The following EHBP1L1 variants were observed in gnomAD, a reference collection of about 807,000 sequenced individuals.
The protein encoded by EHBP1L1 is EH domain-binding protein 1-like protein 1.
Under a neutral mutation model 151.1 loss-of-function variants are expected in EHBP1L1, and 122 were observed. The ratio of observed to expected loss-of-function variants is 0.81; its 90% CI spans 0.70 to 0.94. EHBP1L1 has a LOEUF of 0.94. Among genes scored for constraint, EHBP1L1 ranks in the 40% least tolerant of loss-of-function variants. The pLI, the probability that EHBP1L1 is intolerant of heterozygous loss-of-function variation, is 0.00. For missense variants in EHBP1L1, 1,941 were observed against 1,959.8 expected (o/e 0.99, Z 0.18); for synonymous variants, 878 against 810.1 (o/e 1.08, Z -1.42).
In EHBP1L1 at chr11:65,580,191, A is replaced by G. The variant is rs569946420; in HGVS notation, c.423A>G (p.Ser141=). The G allele has an allele frequency of 6.2e-7, 1 of 1,613,642 alleles. No individual in the cohort carries two copies. The highest frequency in any genetic ancestry group is 8.5e-7 in the Non-Finnish European group (1 of 1,179,822). The change falls in exon 5 of 19, where the codon TCA becomes TCG. Residue 141 remains serine, a synonymous_variant. Coordinates refer to ENST00000309295, the MANE Select transcript of EHBP1L1 (RefSeq NM_001099409.3). ...TGAGGCTGCGGCTGAAGCCAAAGTCAGTGAAGGTGGTGCAGGCTGAGCTGA... is the reference window on the plus strand; with the variant it reads ...TGAGGCTGCGGCTGAAGCCAAAGTCGGTGAAGGTGGTGCAGGCTGAGCTGA... The part of the protein sequence containing the change: ...VPVRLRLKPK[S]VKVVQAELSL...
rs1196435014 is a variant in EHBP1L1 at position 65,579,105 on chromosome 11, G to T, written c.132G>T (p.Trp44Cys). 6.3e-7 allele frequency: 1 copy of T among 1,594,666 alleles called. No individual in the cohort carries two copies. Among genetic ancestry groups the T allele is most frequent in the Non-Finnish European group, 8.5e-7 (1 of 1,170,830 alleles). ...KWQPDKLVVVWTRRNRRICSK... is the reference protein window; with the variant it reads ...KWQPDKLVVVCTRRNRRICSK... ...AGCCAGATAAGCTGGTGGTGGTATG[G>T]ACCCGTCGGAACCGACGCATCTGCT... The change falls in exon 2 of 19, where the codon TGG becomes TGT. Residue 44 changes from tryptophan to cysteine, a missense_variant. Physicochemically the swap from Trp to Cys is radical, Grantham distance 215 (BLOSUM62 -2). Transcript: ENST00000309295.
intron 8 of EHBP1L1, 59 bp downstream of exon 8, chr11:65,581,432 C>T: frequency 2.1e-6 from 3 of 1,447,684 alleles, no homozygotes; most frequent in Non-Finnish European, 2.8e-6. Flanking sequence ...GCAGTCCTCA[C>T]CCCCACCAAC....
At position 65,590,561 on chromosome 11, in the gene EHBP1L1, C is replaced by T; in HGVS notation, c.4252C>T (p.Leu1418Phe). 1 of 1,613,686 alleles carries T rather than the reference C, an allele frequency of 6.2e-7. No homozygotes were observed. Among genetic ancestry groups the T allele is most frequent in the Non-Finnish European group, 8.5e-7 (1 of 1,179,864 alleles). Residue 1418 changes from leucine (L) to phenylalanine (F), a missense_variant, in exon 16 of 19, where the codon CTC (leucine) becomes TTC (phenylalanine). Coordinates refer to ENST00000309295, the MANE Select transcript of EHBP1L1 (RefSeq NM_001099409.3). ...CACCCTGGTCAACAAGAAGAACGCT[C>T]TCATCCGGAGGCAGGACCAGCTGCA... ...WFTLVNKKNA[L>F]IRRQDQLQLL... is the part of the protein sequence containing the mutation.
chr11:65,580,628 C>A, intron 6 of EHBP1L1, 149 bp downstream of exon 6: 1 of 1,080,116 alleles, frequency 9.3e-7, no homozygotes, highest in Non-Finnish European at 1.3e-6. Flanking sequence ...TCAATTGTCC[C>A]AACCTGGCTG....
Position 65,591,823 on chromosome 11 carries a change from G to A in EHBP1L1, c.4307G>A (p.Arg1436Gln). The change falls in exon 17 of 19, where the codon CGA becomes CAA. Residue 1436 changes from arginine (R) to glutamine (Q), a missense_variant. Transcript: ENST00000309295. ...QLLMEEQDLE[R>Q]RFELLSRELR... ...AGCATGGAGGAGCAGGACTTGGAGC[G>A]AAGGTTCGAGCTGCTGAGCCGCGAG... The A allele has an allele frequency of 1.9e-6, 3 of 1,547,142 alleles. No homozygotes were observed. Among genetic ancestry groups the A allele is most frequent in the Middle Eastern group, 2.1e-4 (1 of 4,684 alleles).
Position 65,591,789 on chromosome 11 carries a change from C to CCCCCCCCCA in EHBP1L1, c.4284-10_4284-9insCCCCCCCAC. 1 of 1,540,434 alleles carries CCCCCCCCCA rather than the reference C, an allele frequency of 6.5e-7. No homozygotes were observed. The highest frequency in any genetic ancestry group is 8.8e-7 in the Non-Finnish European group (1 of 1,140,904). ...CCACCCCCCCGCCACCCACCCCCCGCCACCTTCCAGCATGGAGGAGCAGGA... is the reference window on the plus strand; with the variant it reads ...CCACCCCCCCGCCACCCACCCCCCGCCCCCCCCCACACCTTCCAGCATGGAGGAGCAGGA... On this transcript the variant is annotated splice_polypyrimidine_tract_variant and intron_variant, in intron 16 of 18. Coordinates refer to ENST00000309295, the MANE Select transcript of EHBP1L1 (RefSeq NM_001099409.3).
Position 65,585,473 on chromosome 11 carries a change from G to A in EHBP1L1, c.3815G>A (p.Gly1272Asp), listed in dbSNP as rs1208319683. 4 of 1,537,210 alleles carry A rather than the reference G, an allele frequency of 2.6e-6. No homozygotes were observed. The highest frequency in any genetic ancestry group is 2.7e-5 in the African/African-American group (2 of 72,856). ...PGSVPPPRAH[G>D]SFSHVRDADL... ...TCGGTGCCCCCGCCCCGCGCGCACGGCTCCTTCTCCCACGTGCGCGACGCG... is the reference window on the plus strand; with the variant it reads ...TCGGTGCCCCCGCCCCGCGCGCACGACTCCTTCTCCCACGTGCGCGACGCG... Residue 1272 changes from glycine to aspartate, a missense_variant, in exon 12 of 19, where the codon GGC becomes GAC. Physicochemically the swap from Gly to Asp is moderately conservative, Grantham distance 94. Transcript: ENST00000309295. The surrounding 1 kb of genome is among the most constrained non-coding windows in gnomAD (Gnocchi z 4.0).
At chr11:65,591,921 A>G in intron 17 of EHBP1L1, 48 bp downstream of exon 17, 1 of 1,607,728 alleles carries the variant, frequency 6.2e-7, no homozygotes, top group East Asian at 2.2e-5. Context: ...GCCAGGGTGG[A>G]GGCGGCACAG....
chr11:65,583,518 C>G lies in EHBP1L1; in HGVS notation c.2846C>G (p.Ser949Cys). 1 of 1,613,350 alleles carries G rather than the reference C, an allele frequency of 6.2e-7. No individual in the cohort carries two copies. The highest frequency in any genetic ancestry group is 8.5e-7 in the Non-Finnish European group (1 of 1,179,710). The stretch of plus-strand genomic sequence containing the variant: ...GTTTGGGGGATGTCAGAGGGCAAAT[C>G]TGGGGCTTGGGGGGCCCAGGAAGCA... Reference protein sequence around the residue: ...AGVWGMSEGKSGAWGAQEAEM... With the variant: ...AGVWGMSEGKCGAWGAQEAEM... The change falls in exon 9 of 19, where the codon TCT becomes TGT. Residue 949 changes from serine to cysteine, a missense_variant. Physicochemically the swap from Ser to Cys is moderately radical, Grantham distance 112. Transcript: ENST00000309295.
rs1857949512 is a variant in EHBP1L1, at chr11:65,585,979, G to C, written c.3933+388G>C. Among the ~76,000 whole-genome samples the C allele has an allele frequency of 1.3e-5, 2 of 152,208 alleles. No homozygotes were observed. The highest frequency in any genetic ancestry group is 2.9e-5 in the Non-Finnish European group (2 of 68,022). On this transcript the variant is annotated intron_variant, in intron 12 of 18. Transcript: ENST00000309295. This position sits in a 1 kb window ranked among gnomAD's most constrained non-coding sequence, Gnocchi z 4.0. Reference sequence around the variant, plus strand: ...CACTCTGCCCAGTGCTTGGTAGGCTGGAAGGTGGGTTTGGGCATTTCTTTC... The same window carrying C: ...CACTCTGCCCAGTGCTTGGTAGGCTCGAAGGTGGGTTTGGGCATTTCTTTC...
chr11:65,579,209 G>C lies in EHBP1L1; in HGVS notation c.162+74G>C, dbSNP rs1590813077. 16 of 1,534,380 alleles carry C rather than the reference G, an allele frequency of 1.0e-5. No homozygotes were observed. In the East Asian group the frequency reaches 3.7e-4, roughly 35 times the overall value. On this transcript the variant is annotated intron_variant, in intron 2 of 18. Transcript: ENST00000309295. ...GGGAGGCTGATGGGGGCTGATGGGGGAGTGGAGTGAGGTTCAAGCACAGAT... is the reference window on the plus strand; with the variant it reads ...GGGAGGCTGATGGGGGCTGATGGGGCAGTGGAGTGAGGTTCAAGCACAGAT...
intron 9 of EHBP1L1, 31 bp from the exon 10 acceptor site, chr11:65,584,210 A>G (rs373077327): frequency 1.3e-6 from 2 of 1,595,344 alleles, no homozygotes; most frequent in Middle Eastern, 1.7e-4. Flanking sequence ...TCCCATTTAT[A>G]CATTCCCTAA....
chr11:65,583,205 G>A lies in EHBP1L1; in HGVS notation c.2533G>A (p.Glu845Lys). 1 of 1,613,468 alleles carries A rather than the reference G, an allele frequency of 6.2e-7. No homozygotes were observed. The highest frequency in any genetic ancestry group is 2.2e-5 in the East Asian group (1 of 44,890). ...TGAGGTAGCTGGGGCCCAGGAGACAGAGGTCGGGGGTTCAGGGATCTCAGG... is the reference window on the plus strand; with the variant it reads ...TGAGGTAGCTGGGGCCCAGGAGACAAAGGTCGGGGGTTCAGGGATCTCAGG... ...ESEVAGAQET[E>K]VGGSGISGPE... Residue 845 changes from glutamate to lysine, a missense_variant, in exon 9 of 19, where the codon GAG becomes AAG. By Grantham distance (56) the Glu-to-Lys change is moderately conservative. Transcript: ENST00000309295.
Position 65,590,578 on chromosome 11 carries a change from C to T in EHBP1L1, c.4269C>T (p.Asp1423=). 1 of 1,613,516 alleles carries T rather than the reference C, an allele frequency of 6.2e-7. No individual in the cohort carries two copies. Among genetic ancestry groups the T allele is most frequent in the Non-Finnish European group, 8.5e-7 (1 of 1,179,826 alleles). The change falls in exon 16 of 19, where the codon GAC becomes GAT. Residue 1423 remains aspartate (D), a synonymous_variant. Coordinates refer to ENST00000309295, the MANE Select transcript of EHBP1L1 (RefSeq NM_001099409.3). ...NKKNALIRRQ[D]QLQLLMEEQD... ...AGAACGCTCTCATCCGGAGGCAGGA[C>T]CAGCTGCAGCTGCTGTGAGTGCTGG...
Position 65,590,608 on chromosome 11 carries a change from G to A in EHBP1L1, c.4283+16G>A, listed in dbSNP as rs144910652. ...TGCAGCTGCTGTGAGTGCTGGCCCC[G>A]GGCCAGGAGAGCAGAGGGACTCTTA... On this transcript the variant is annotated intron_variant, in intron 16 of 18. Coordinates refer to ENST00000309295, the MANE Select transcript of EHBP1L1 (RefSeq NM_001099409.3). 1.2e-3 allele frequency: 1,977 copies of A among 1,611,354 alleles called. 3 individuals are homozygous for A. The highest frequency in any genetic ancestry group is 1.5e-3 in the Non-Finnish European group (1,825 of 1,178,702).
At chr11:65,588,188 G>C (rs1376531801) in intron 12 of EHBP1L1, among the ~76,000 whole-genome samples, 1 of 152,046 alleles carries the variant, frequency 6.6e-6, no homozygotes, top group Non-Finnish European at 1.5e-5. Flanking sequence ...CCGGCAGGGG[G>C]GTCTCTGGAG....
rs759333764 is a variant in EHBP1L1 at position 65,579,121 on chromosome 11, C to G, written c.148C>G (p.Arg50Gly). The change falls in exon 2 of 19, where the codon CGC becomes GGC. Residue 50 changes from arginine (R) to glycine (G), a missense_variant. By Grantham distance (125) the Arg-to-Gly change is moderately radical. Transcript: ENST00000309295. ...LVVVWTRRNRRICSKAHSWQP... is the reference protein window; with the variant it reads ...LVVVWTRRNRGICSKAHSWQP... Reference sequence around the variant, plus strand: ...GGTGGTATGGACCCGTCGGAACCGACGCATCTGCTCCAAGGTGGGGAAGGA... The same window carrying G: ...GGTGGTATGGACCCGTCGGAACCGAGGCATCTGCTCCAAGGTGGGGAAGGA... 1 of 1,594,564 alleles carries G rather than the reference C, an allele frequency of 6.3e-7. No homozygotes were observed. The highest frequency in any genetic ancestry group is 2.3e-5 in the East Asian group (1 of 44,024).
rs1162597937 is a variant in EHBP1L1 at position 65,585,487 on chromosome 11, G to A, written c.3829G>A (p.Val1277Met). Residue 1277 changes from valine to methionine, a missense_variant, in exon 12 of 19, where the codon GTG (valine) becomes ATG (methionine). Physicochemically the swap from Val to Met is conservative, Grantham distance 21. Transcript: ENST00000309295. This position sits in a 1 kb window ranked among gnomAD's most constrained non-coding sequence, Gnocchi z 4.0. ...CCGCGCGCACGGCTCCTTCTCCCACGTGCGCGACGCGGACCTGCTCAAGAA... is the reference window on the plus strand; with the variant it reads ...CCGCGCGCACGGCTCCTTCTCCCACATGCGCGACGCGGACCTGCTCAAGAA... ...PPRAHGSFSH[V>M]RDADLLKKRR... 1.9e-6 allele frequency: 3 copies of A among 1,544,442 alleles called. No individual in the cohort carries two copies. The highest frequency in any genetic ancestry group is 1.9e-5 in the Admixed American group (1 of 51,972).
intron 6 of EHBP1L1, 110 bp from the exon 7 acceptor site, chr11:65,580,948 C>T: frequency 1.4e-6 from 2 of 1,471,656 alleles, no homozygotes; most frequent in South Asian, 1.4e-5. Context: ...TGCCCTGAGG[C>T]CAGGGCGTTT....
Sources: gnomAD v4.1 joint callset for allele counts (sites outside exome capture counted in the v4.1 genomes callset) on GRCh38, gnomAD v4.1.1 for gene constraint, Gnocchi (gnomAD v3.1) non-coding constraint, MANE v1.5 for transcripts, NCBI Gene and HGNC (gene_info 2026-07-23, HGNC 2026-07-21) for gene names.